NSMCE1: variants seen among roughly 807,000 people sequenced by gnomAD.
NSMCE1 encodes the protein NSE1 component of SMC5/6 complex.
In NSMCE1, 18 loss-of-function variants were observed where a neutral mutation model predicts 29.6. That is an observed-to-expected ratio of 0.61 (90% CI 0.42 to 0.90). NSMCE1 has a LOEUF of 0.90. NSMCE1 is among the 40% of genes least tolerant of loss of function. The pLI is 0.00. For missense variants in NSMCE1, 314 were observed against 343.6 expected (o/e 0.91, Z 0.68); for synonymous variants, 124 against 133.4 (o/e 0.93, Z 0.49).
chr16:27,240,211 G>A (rs779525187), intron 2 of NSMCE1, among the ~76,000 whole-genome samples: 2 of 152,114 alleles, frequency 1.3e-5, no homozygotes, highest in Non-Finnish European at 2.9e-5. Context: ...CCGTCATCTC[G>A]TCTATACCCT....
At chr16:27,256,731 A>C (rs2084091051) in intron 2 of NSMCE1, among the ~76,000 whole-genome samples, 1 of 152,068 alleles carries the variant, frequency 6.6e-6, no homozygotes. Flanking sequence ...AGGGCTTCTT[A>C]TTTGCCCCTC....
At chr16:27,227,047 C>G (rs369428811) in intron 5 of NSMCE1, among the ~76,000 whole-genome samples, 3 of 152,232 alleles carry the variant, frequency 2.0e-5, no homozygotes, top group African/African-American at 7.2e-5. Context: ...GACATGGAGG[C>G]GTGGCTCCCT....
chr16:27,226,434 T>C lies in NSMCE1; in HGVS notation c.600+286A>G, dbSNP rs530305579. ...ACTCACTACAAAACTACCAAGATGA[T>C]GCAGGTTGCACAGAACACTCAGCCT... On this transcript the variant is annotated intron_variant, in intron 6 of 7. Coordinates refer to ENST00000361439, the MANE Select transcript of NSMCE1 (RefSeq NM_145080.4). 2.4e-4 allele frequency: 92 copies of C among 388,516 alleles called. 1 individual carries two copies. The highest frequency in any genetic ancestry group is 9.4e-5 in the Non-Finnish European group (20 of 213,898). 24.1% of individuals were successfully genotyped at this position (388,516 alleles called of 1,614,324 possible).
intron 2 of NSMCE1, among the ~76,000 whole-genome samples, chr16:27,240,843 C>A (rs1472487101): frequency 6.6e-6 from 1 of 152,172 alleles, no homozygotes; most frequent in East Asian, 1.9e-4. Flanking sequence ...AAGGCCAAGG[C>A]AGGAGGATCA....
intron 5 of NSMCE1, among the ~76,000 whole-genome samples, chr16:27,227,807 T>TG (rs1285560472): frequency 1.5e-4 from 22 of 147,652 alleles, no homozygotes; most frequent in Non-Finnish European, 3.1e-4. Context: ...TTTTTTGAGA[T>TG]GGAGTTTTGC....
At chr16:27,235,340 G>C (rs759917979) in intron 2 of NSMCE1, 41 bp from the exon 3 acceptor site, 1 of 1,600,492 alleles carries the variant, frequency 6.2e-7, no homozygotes, top group Non-Finnish European at 8.5e-7. Flanking sequence ...TGACCAGGGG[G>C]CCTCATCAAA....
chr16:27,226,943 G>A, intron 5 of NSMCE1, 107 bp from the exon 6 acceptor site: 1 of 735,722 alleles, frequency 1.4e-6, no homozygotes, highest in East Asian at 2.5e-5. Context: ...AGACACAAGG[G>A]TCTACGCAGC....
intron 2 of NSMCE1, among the ~76,000 whole-genome samples, chr16:27,240,697 TAAGGAG>T (rs1242269326): frequency 6.6e-6 from 1 of 152,210 alleles, no homozygotes; most frequent in African/African-American, 2.4e-5. Flanking sequence ...ACTTCTCCCC[TAAGGAG>T]AAGGGTTGGC....
intron 5 of NSMCE1, among the ~76,000 whole-genome samples, chr16:27,227,240 C>T (rs886695112): frequency 3.9e-5 from 6 of 152,228 alleles, no homozygotes; most frequent in Admixed American, 1.3e-4. Context: ...CCATCCCACT[C>T]CCAAAAAGCA....
In NSMCE1 at chr16:27,235,343, T is replaced by A. The variant is rs767116482; in HGVS notation, c.137-44A>T. ...AAAAAAGGGGGGTGACCAGGGGGCC[T>A]CATCAAAAAAATGTAGCTTGCTTGA... On this transcript the variant is annotated intron_variant, in intron 2 of 7. Coordinates refer to ENST00000361439, the MANE Select transcript of NSMCE1 (RefSeq NM_145080.4). 5 of 1,598,954 alleles carry A rather than the reference T, an allele frequency of 3.1e-6. No individual in the cohort carries two copies. In the South Asian group the frequency reaches 3.3e-5, roughly 11 times the overall value.
chr16:27,239,217 C>T lies in NSMCE1; in HGVS notation c.137-3918G>A, dbSNP rs1347117633. On this transcript the variant is annotated intron_variant, in intron 2 of 7. Coordinates refer to ENST00000361439, the MANE Select transcript of NSMCE1 (RefSeq NM_145080.4). ...GACCAGAACTGGGGTCTCTTGCTTG[C>T]TCCCAAGATCCTTATGATGTCCACT... Among the ~76,000 whole-genome samples, 6 of 152,174 alleles carry T rather than the reference C, an allele frequency of 3.9e-5. No individual in the cohort carries two copies. In the East Asian group the frequency reaches 1.2e-3, roughly 29 times the overall value.
intron 1 of NSMCE1, among the ~76,000 whole-genome samples, chr16:27,268,012 G>C (rs951160697): frequency 1.3e-5 from 2 of 152,024 alleles, no homozygotes; most frequent in African/African-American, 4.8e-5. Context: ...CAAAGTGCTG[G>C]AATTATAGCC....
intron 6 of NSMCE1, chr16:27,226,080 A>G (rs1596666657): frequency 4.4e-6 from 2 of 456,640 alleles, no homozygotes; most frequent in East Asian, 8.2e-5. Flanking sequence ...GCAGTGACAG[A>G]AGCCGAGGGC....
At chr16:27,261,113 G>C (rs2084151853) in intron 1 of NSMCE1, among the ~76,000 whole-genome samples, 1 of 145,582 alleles carries the variant, frequency 6.9e-6, no homozygotes, top group Non-Finnish European at 1.5e-5. Context: ...GTTGCAGCGA[G>C]CTGAGATGGC....
chr16:27,240,046 G>C (rs1050096984), intron 2 of NSMCE1, among the ~76,000 whole-genome samples: 1 of 152,190 alleles, frequency 6.6e-6, no homozygotes, highest in African/African-American at 2.4e-5. Context: ...TGTATATACA[G>C]GAGGCTTGGA....
Position 27,257,578 on chromosome 16 carries a change from C to T in NSMCE1, c.-8G>A, listed in dbSNP as rs532251011. ...CCTTGTGCTGCCCTGCATGTGGGAA[C>T]GAACTGAAAAGGAAGTAAATGACAC... On this transcript the variant is annotated 5_prime_UTR_variant, in exon 2 of 8. Coordinates refer to ENST00000361439, the MANE Select transcript of NSMCE1 (RefSeq NM_145080.4). 1.6e-5 allele frequency: 25 copies of T among 1,607,510 alleles called. No homozygotes were observed. Among genetic ancestry groups the T allele is most frequent in the Middle Eastern group, 1.7e-4 (1 of 6,016 alleles).
chr16:27,238,133 A>C (rs775355072), intron 2 of NSMCE1, among the ~76,000 whole-genome samples: 1 of 152,156 alleles, frequency 6.6e-6, no homozygotes, highest in Non-Finnish European at 1.5e-5. Context: ...GCAGCAACAG[A>C]GGTGGCGTGG....
intron 2 of NSMCE1, among the ~76,000 whole-genome samples, chr16:27,248,234 T>C (rs7359403): frequency 0.063 from 9,551 of 152,124 alleles, 746 homozygotes; most frequent in African/African-American, 0.19. Context: ...GGCTGAATCA[T>C]AGGAAATTGC....
chr16:27,252,748 A>G (rs1482023308), intron 2 of NSMCE1, among the ~76,000 whole-genome samples: 1 of 151,840 alleles, frequency 6.6e-6, no homozygotes, highest in Admixed American at 6.6e-5. Flanking sequence ...GTGAAACCCC[A>G]TCTCTACTAA....
Sources: allele counts gnomAD v4.1 joint callset (sites outside exome capture counted in the v4.1 genomes callset), GRCh38; gene constraint gnomAD v4.1.1; transcripts MANE v1.5; gene names NCBI Gene and HGNC (gene_info 2026-07-23, HGNC 2026-07-21).